NRXN1: variants seen among roughly 807,000 people sequenced by gnomAD.
NRXN1 encodes the protein neurexin 1.
Under a neutral mutation model 150.9 loss-of-function variants are expected in NRXN1, and 39 were observed. The ratio of observed to expected loss-of-function variants is 0.26; its 90% CI spans 0.20 to 0.34. The LOEUF (loss-of-function observed/expected upper bound fraction) is 0.34, where lower values mean the gene tolerates loss of function less well. Ranked by LOEUF, NRXN1 falls within the 10% of genes least tolerant of loss-of-function variation. The pLI, the probability that NRXN1 is intolerant of heterozygous loss-of-function variation, is 1.00. For synonymous variants in NRXN1, 924 were observed against 757.0 expected (o/e 1.22, Z -3.62); for missense variants, 1,815 against 1,949.9 (o/e 0.93, Z 1.30).
At chr2:50,765,077 C>G (rs1439222339) in intron 5 of NRXN1, among the ~76,000 whole-genome samples, 1 of 151,970 alleles carries the variant, frequency 6.6e-6, no homozygotes, top group Non-Finnish European at 1.5e-5. Flanking sequence ...GATATCAGAC[C>G]AGCTCCTATG....
chr2:50,737,979 A>C (rs1698975647), intron 5 of NRXN1, among the ~76,000 whole-genome samples: 1 of 152,174 alleles, frequency 6.6e-6, no homozygotes. Context: ...AAGGTTTATC[A>C]AGGAAGGTTT....
chr2:50,259,285 T>C (rs548650113), intron 17 of NRXN1, among the ~76,000 whole-genome samples: 1 of 152,074 alleles, frequency 6.6e-6, no homozygotes, highest in Admixed American at 6.6e-5. Context: ...AAATTTTTTT[T>C]TATAACTTGC....
chr2:50,379,567 A>C (rs891787837), intron 17 of NRXN1, among the ~76,000 whole-genome samples: 27 of 152,100 alleles, frequency 1.8e-4, no homozygotes, highest in African/African-American at 6.5e-4. Flanking sequence ...AGAGAATAAG[A>C]GGTCTAATGT....
chr2:50,967,945 T>C (rs1015909706), intron 2 of NRXN1, among the ~76,000 whole-genome samples: 1 of 152,084 alleles, frequency 6.6e-6, no homozygotes, highest in Non-Finnish European at 1.5e-5. Context: ...AGCTCATGGA[T>C]AATGATTACA....
intron 12 of NRXN1, among the ~76,000 whole-genome samples, chr2:50,527,355 G>C (rs1043982014): frequency 1.3e-5 from 2 of 152,162 alleles, no homozygotes; most frequent in Non-Finnish European, 2.9e-5. Flanking sequence ...GGAATGCATG[G>C]AGGAGATAGA....
At chr2:50,708,448 T>C (rs1379103456) in intron 5 of NRXN1, among the ~76,000 whole-genome samples, 1 of 152,162 alleles carries the variant, frequency 6.6e-6, no homozygotes, top group African/African-American at 2.4e-5. Context: ...AGATTTGTTG[T>C]TGCTGCTGGG....
chr2:50,394,238 C>A (rs1220725583), intron 17 of NRXN1, among the ~76,000 whole-genome samples: 2 of 152,014 alleles, frequency 1.3e-5, no homozygotes, highest in Non-Finnish European at 2.9e-5. Flanking sequence ...ATGCTTGCAT[C>A]TCCAGCCACA....
intron 17 of NRXN1, among the ~76,000 whole-genome samples, chr2:50,337,002 C>T (rs1046125349): frequency 6.6e-6 from 1 of 151,142 alleles, no homozygotes; most frequent in Non-Finnish European, 1.5e-5. Context: ...AGAGGAGAAA[C>T]AAAATGCTCA....
chr2:50,172,945 C>T (rs1574312132), intron 18 of NRXN1, among the ~76,000 whole-genome samples: 1 of 151,966 alleles, frequency 6.6e-6, no homozygotes, highest in African/African-American at 2.4e-5. Context: ...CCAGCCTGGG[C>T]AACAGAGGGA....
intron 18 of NRXN1, among the ~76,000 whole-genome samples, chr2:50,111,325 T>C (rs573110478): frequency 1.3e-5 from 2 of 152,266 alleles, no homozygotes; most frequent in East Asian, 3.9e-4. Context: ...AGCAGCCTAT[T>C]CATTATTAAA....
chr2:50,498,499 A>G (rs915870337), intron 13 of NRXN1, among the ~76,000 whole-genome samples: 4 of 152,110 alleles, frequency 2.6e-5, no homozygotes, highest in African/African-American at 9.7e-5. Context: ...ACAAGGCAAA[A>G]ATCTTCTTTA....
chr2:50,241,692 G>A (rs372047292), intron 17 of NRXN1, among the ~76,000 whole-genome samples: 1 of 151,672 alleles, frequency 6.6e-6, no homozygotes, highest in South Asian at 2.1e-4. Flanking sequence ...ATGGGCTCCC[G>A]TATCTCTTGT....
chr2:50,540,848 G>C (rs1038894163), intron 9 of NRXN1, among the ~76,000 whole-genome samples: 1 of 152,088 alleles, frequency 6.6e-6, no homozygotes, highest in East Asian at 1.9e-4. Context: ...TTTCAGTAGA[G>C]ATGGAGTTTT....
intron 17 of NRXN1, among the ~76,000 whole-genome samples, chr2:50,279,245 C>T (rs943915199): frequency 6.6e-6 from 1 of 152,118 alleles, no homozygotes; most frequent in Non-Finnish European, 1.5e-5. Context: ...AGGTACTGGT[C>T]ATCATCAAAT....
chr2:49,926,054 A>C (rs1219928348), intron 22 of NRXN1, among the ~76,000 whole-genome samples: 3 of 152,226 alleles, frequency 2.0e-5, no homozygotes, highest in Non-Finnish European at 4.4e-5. Context: ...TACTACAAGC[A>C]AGGAGAGCAA....
chr2:50,849,922 T>G (rs1260172888), intron 5 of NRXN1, among the ~76,000 whole-genome samples: 1 of 152,100 alleles, frequency 6.6e-6, no homozygotes, highest in African/African-American at 2.4e-5. Context: ...AAAATACGTA[T>G]TTGTCCAGGT....
intron 18 of NRXN1, among the ~76,000 whole-genome samples, chr2:50,099,807 A>T (rs1183669129): frequency 6.6e-6 from 1 of 152,154 alleles, no homozygotes; most frequent in Non-Finnish European, 1.5e-5. Context: ...CCAAAGTCAG[A>T]GCATCTATCT....
intron 17 of NRXN1, among the ~76,000 whole-genome samples, chr2:50,385,400 T>A (rs2103734450): frequency 6.6e-6 from 1 of 152,288 alleles, no homozygotes; most frequent in South Asian, 2.1e-4. Flanking sequence ...TCAAATGACT[T>A]CCTTAATTCA....
intron 5 of NRXN1, chr2:50,841,291 G>A (rs1200545129): frequency 6.6e-6 from 1 of 152,500 alleles, no homozygotes; most frequent in Non-Finnish European, 1.5e-5. Context: ...CAGCTTTATT[G>A]TTGAAGGAAT....
Sources: allele counts gnomAD v4.1 joint callset (sites outside exome capture counted in the v4.1 genomes callset), GRCh38; gene constraint gnomAD v4.1.1; transcripts MANE v1.5; gene names NCBI Gene and HGNC (gene_info 2026-07-23, HGNC 2026-07-21).